PDE10A: variants seen among roughly 807,000 people sequenced by gnomAD.
The protein encoded by PDE10A is cAMP and cAMP-inhibited cGMP 3',5'-cyclic phosphodiesterase 10A.
PDE10A carries 39 observed loss-of-function variants against 97.7 expected under a neutral mutation model. The ratio of observed to expected loss-of-function variants is 0.40; its 90% CI spans 0.31 to 0.52. The LOEUF is 0.52. Among genes scored for constraint, PDE10A ranks in the 20% least tolerant of loss-of-function variants. The probability of loss-of-function intolerance (pLI) is 0.56; values close to 1 mark genes in which losing one functional copy is unlikely to be tolerated. For synonymous variants in PDE10A, 371 were observed against 376.8 expected (o/e 0.98, Z 0.18); for missense variants, 731 against 1,047.8 (o/e 0.70, Z 4.17).
intron 1 of PDE10A, among the ~76,000 whole-genome samples, chr6:165,619,396 AGT>A (rs1787947440): frequency 6.7e-6 from 1 of 148,422 alleles, no homozygotes; most frequent in Non-Finnish European, 1.5e-5. Flanking sequence ...AGTATAGTGT[AGT>A]GTAGTGTAGT....
chr6:165,356,481 C>T (rs1286725858), intron 18 of PDE10A, among the ~76,000 whole-genome samples: 4 of 152,086 alleles, frequency 2.6e-5, no homozygotes, highest in Admixed American at 1.3e-4. Context: ...TATTTTCTCA[C>T]ATTATGTGGC....
chr6:165,416,394 C>A (rs184289329), intron 11 of PDE10A, 113 bp from the exon 12 acceptor site: 4 of 728,738 alleles, frequency 5.5e-6, no homozygotes, highest in Non-Finnish European at 9.6e-6. Context: ...TACTTAAATG[C>A]GTGTATTACT....
At chr6:165,516,691 G>C (rs997911230) in intron 2 of PDE10A, among the ~76,000 whole-genome samples, 5 of 152,068 alleles carry the variant, frequency 3.3e-5, no homozygotes, top group Non-Finnish European at 7.4e-5. Flanking sequence ...CTTATGAATA[G>C]GTCACTTGTT....
intron 10 of PDE10A, among the ~76,000 whole-genome samples, chr6:165,421,332 A>G (rs1292127413): frequency 6.6e-6 from 1 of 152,074 alleles, no homozygotes; most frequent in Non-Finnish European, 1.5e-5. Context: ...AGTCCCAAAC[A>G]CTCAGGAGGC....
intron 5 of PDE10A, among the ~76,000 whole-genome samples, chr6:165,435,584 A>T (rs1336291136): frequency 6.6e-6 from 1 of 152,212 alleles, no homozygotes; most frequent in African/African-American, 2.4e-5. Context: ...TACACACTCA[A>T]ATTTAAAACT....
intron 1 of PDE10A, among the ~76,000 whole-genome samples, chr6:165,802,328 A>G (rs1779006467): frequency 6.6e-6 from 1 of 152,194 alleles, no homozygotes; most frequent in Non-Finnish European, 1.5e-5. Flanking sequence ...TTCCAACCCA[A>G]GGCTGCACGA....
chr6:165,387,698 C>G (rs1204199042), intron 17 of PDE10A, among the ~76,000 whole-genome samples: 1 of 152,142 alleles, frequency 6.6e-6, no homozygotes, highest in Non-Finnish European at 1.5e-5. Flanking sequence ...TAAGCCAAAC[C>G]CAGATTATAT....
At chr6:165,636,102 A>C (rs1788861887) in intron 1 of PDE10A, among the ~76,000 whole-genome samples, 1 of 152,250 alleles carries the variant, frequency 6.6e-6, no homozygotes, top group African/African-American at 2.4e-5. Context: ...ATCTGTAAAC[A>C]GACATTTACA....
chr6:165,541,161 T>G (rs918380206), intron 2 of PDE10A, among the ~76,000 whole-genome samples: 2 of 152,186 alleles, frequency 1.3e-5, no homozygotes, highest in African/African-American at 4.8e-5. Context: ...ATACTTCCAG[T>G]GCTTGTATCC....
chr6:165,571,271 T>A (rs1785037318), intron 1 of PDE10A, among the ~76,000 whole-genome samples: 1 of 152,202 alleles, frequency 6.6e-6, no homozygotes, highest in Non-Finnish European at 1.5e-5. Context: ...TGCAAAAAAT[T>A]GATTTCATTA....
chr6:165,457,841 C>T (rs1359369279), intron 3 of PDE10A, among the ~76,000 whole-genome samples: 1 of 152,198 alleles, frequency 6.6e-6, no homozygotes, highest in African/African-American at 2.4e-5. Context: ...GTTCCCATGA[C>T]TGCTAAAATG....
intron 1 of PDE10A, among the ~76,000 whole-genome samples, chr6:165,955,845 A>G (rs898508435): frequency 2.6e-5 from 4 of 152,258 alleles, no homozygotes; most frequent in African/African-American, 7.2e-5. Flanking sequence ...GAAGTATAAC[A>G]TAACTACCAA....
intron 1 of PDE10A, among the ~76,000 whole-genome samples, chr6:165,881,387 CTTTTCTTTT>C (rs1220568211): frequency 3.8e-5 from 4 of 105,270 alleles, no homozygotes; most frequent in African/African-American, 1.3e-4. Context: ...TTTCTTTTTT[CTTTTCTTTT>C]TTTTTTTTTT....
intron 1 of PDE10A, among the ~76,000 whole-genome samples, chr6:165,969,743 C>T (rs1442748230): frequency 6.6e-6 from 1 of 152,128 alleles, no homozygotes; most frequent in Admixed American, 6.5e-5. Context: ...AGAAGCCACC[C>T]TGAAGGAGCT....
intron 1 of PDE10A, among the ~76,000 whole-genome samples, chr6:165,932,812 G>A (rs189521274): frequency 1.1e-4 from 16 of 152,302 alleles, no homozygotes; most frequent in Admixed American, 6.5e-4. Context: ...ATGAGTTTCC[G>A]GGGGGCTTAG....
At chr6:165,406,827 G>GTC (rs1299868749) in intron 13 of PDE10A, among the ~76,000 whole-genome samples, 1 of 152,130 alleles carries the variant, frequency 6.6e-6, no homozygotes, top group East Asian at 1.9e-4. Flanking sequence ...AAGGCAAAGT[G>GTC]TCTCTCTGTT....
intron 1 of PDE10A, among the ~76,000 whole-genome samples, chr6:165,588,732 A>G (rs1290405005): frequency 6.6e-6 from 1 of 152,212 alleles, no homozygotes; most frequent in Non-Finnish European, 1.5e-5. Context: ...CATCTCAAAT[A>G]CTAGTACAGT....
intron 1 of PDE10A, among the ~76,000 whole-genome samples, chr6:165,754,945 G>A (rs1266916411): frequency 3.9e-5 from 6 of 151,956 alleles, no homozygotes; most frequent in South Asian, 2.1e-4. Context: ...AATAAACTTC[G>A]CTCAGTAGCC....
At chr6:165,917,015 T>G (rs1420889233) in intron 1 of PDE10A, among the ~76,000 whole-genome samples, 1 of 152,084 alleles carries the variant, frequency 6.6e-6, no homozygotes, top group African/African-American at 2.4e-5. Flanking sequence ...TAAGACCTGT[T>G]GGGGTTGGGT....
Sources: allele counts gnomAD v4.1 joint callset (sites outside exome capture counted in the v4.1 genomes callset), GRCh38; gene constraint gnomAD v4.1.1; transcripts MANE v1.5; gene names NCBI Gene and HGNC (gene_info 2026-07-23, HGNC 2026-07-21).